The following MAPK14 variants were observed in gnomAD, a reference collection of about 807,000 sequenced individuals.
MAPK14 encodes CSAID-binding protein.
In MAPK14, 16 loss-of-function variants were observed where a neutral mutation model predicts 49.6. The observed-to-expected ratio is 0.32, with a 90% confidence interval of 0.22 to 0.49. The LOEUF (loss-of-function observed/expected upper bound fraction) is 0.49, where lower values mean the gene tolerates loss of function less well. Among genes scored for constraint, MAPK14 ranks in the 20% least tolerant of loss-of-function variants. The pLI, the probability that MAPK14 is intolerant of heterozygous loss-of-function variation, is 0.99. For synonymous variants in MAPK14, 142 were observed against 158.0 expected (o/e 0.90, Z 0.76); for missense variants, 200 against 441.2 (o/e 0.45, Z 4.90).
chr6:36,038,216 A>G lies in MAPK14; in HGVS notation c.116+9943A>G, dbSNP rs79855804. On this transcript the variant is annotated intron_variant, in intron 1 of 11. Coordinates refer to ENST00000229794, the MANE Select transcript of MAPK14 (RefSeq NM_139012.3). ...TAACAATTGAGCAAAAACCTGAAGA[A>G]GGTGATATAGGACACTGGTTGGACA... Among the ~76,000 whole-genome samples, 1,360 of 152,270 alleles carry G rather than the reference A, an allele frequency of 8.9e-3. 17 individuals carry two copies. The highest frequency in any genetic ancestry group is 0.031 in the African/African-American group (1,306 of 41,542).
the MAPK14 span, among the ~76,000 whole-genome samples, chr6:36,120,874 T>C: frequency 6.6e-6 from 1 of 152,160 alleles, no homozygotes; most frequent in South Asian, 2.1e-4. Flanking sequence ...ATTAAGGCTT[T>C]ACCTTAATCA....
the MAPK14 span, among the ~76,000 whole-genome samples, chr6:36,120,428 A>G: frequency 5.3e-5 from 8 of 150,274 alleles, no homozygotes; most frequent in African/African-American, 9.8e-5. Flanking sequence ...CACTTAGTCT[A>G]TATTTGTTAA....
intron 4 of MAPK14, 127 bp downstream of exon 4, chr6:36,073,111 G>A (rs906113372): frequency 4.4e-6 from 3 of 688,732 alleles, no homozygotes; most frequent in Non-Finnish European, 7.8e-6. Flanking sequence ...CACAGGTAAA[G>A]GTCATATAGT....
chr6:36,079,616 T>C (rs947190549), intron 8 of MAPK14, among the ~76,000 whole-genome samples: 1 of 152,242 alleles, frequency 6.6e-6, no homozygotes, highest in South Asian at 2.1e-4. Flanking sequence ...AAAAGCTTGC[T>C]CTAGAAGGTA....
intron 8 of MAPK14, among the ~76,000 whole-genome samples, chr6:36,090,233 C>T (rs546103248): frequency 6.6e-6 from 1 of 152,276 alleles, no homozygotes; most frequent in East Asian, 1.9e-4. Context: ...TACTGTCCTG[C>T]TTGTGAGTTA....
At position 36,107,748 on chromosome 6, in the gene MAPK14, T is replaced by A; in HGVS notation, c.1015+120T>A. 1 of 596,486 alleles carries A rather than the reference T, an allele frequency of 1.7e-6. No individual in the cohort carries two copies. The highest frequency in any genetic ancestry group is 3.5e-5 in the South Asian group (1 of 28,856). The allele number at this position is 596,486 out of a possible 1,614,324, so 36.9% of individuals were successfully genotyped here. A position where few individuals can be genotyped will look rare whatever the true frequency, so the allele number is the denominator to read the frequency against. ...TGTAGATGAGGTCTCTAATGCAGAA[T>A]GAATATGTTCTCTGGTGGAAACTGT... On this transcript the variant is annotated intron_variant, in intron 11 of 11. Coordinates refer to ENST00000229794, the MANE Select transcript of MAPK14 (RefSeq NM_139012.3). The surrounding 1 kb of genome is among the most constrained non-coding windows in gnomAD (Gnocchi z 4.3).
At chr6:36,092,233 C>T in intron 8 of MAPK14, 1 of 562,496 alleles carries the variant, frequency 1.8e-6, no homozygotes, top group Admixed American at 1.9e-5. Flanking sequence ...GTGTGTGGTA[C>T]AGTTTGACAA....
chr6:36,103,807 C>G (rs1298042061), intron 10 of MAPK14, among the ~76,000 whole-genome samples: 1 of 152,148 alleles, frequency 6.6e-6, no homozygotes, highest in Non-Finnish European at 1.5e-5. Context: ...GGGAGCTATG[C>G]TATGGTAACG....
At chr6:36,080,354 C>G (rs1041795222) in intron 8 of MAPK14, among the ~76,000 whole-genome samples, 1 of 152,104 alleles carries the variant, frequency 6.6e-6, no homozygotes, top group South Asian at 2.1e-4. Flanking sequence ...ACACTCAGCC[C>G]GTGAAACAGT....
intron 3 of MAPK14, among the ~76,000 whole-genome samples, chr6:36,064,428 A>G (rs1763963990): frequency 6.6e-6 from 1 of 151,912 alleles, no homozygotes; most frequent in Admixed American, 6.6e-5. Context: ...TTTTTCCTTT[A>G]TTTTACAAGT....
intron 3 of MAPK14, among the ~76,000 whole-genome samples, chr6:36,065,264 A>G (rs1399275930): frequency 1.3e-5 from 2 of 152,338 alleles, no homozygotes; most frequent in Non-Finnish European, 1.5e-5. Flanking sequence ...CTGAATCATT[A>G]TTGGAGTATA....
At chr6:36,082,174 A>T (rs1764792898) in intron 8 of MAPK14, among the ~76,000 whole-genome samples, 1 of 152,174 alleles carries the variant, frequency 6.6e-6, no homozygotes, top group Non-Finnish European at 1.5e-5. Flanking sequence ...GCAAACAGAG[A>T]TAGTTTTATT....
intron 8 of MAPK14, among the ~76,000 whole-genome samples, chr6:36,083,927 T>C (rs369083158): frequency 7.9e-5 from 12 of 152,254 alleles, no homozygotes; most frequent in African/African-American, 2.2e-4. Context: ...GCCAGACACC[T>C]TATGCAAGAG....
At chr6:36,063,807 C>T (rs1763927063) in intron 3 of MAPK14, among the ~76,000 whole-genome samples, 1 of 152,108 alleles carries the variant, frequency 6.6e-6, no homozygotes, top group South Asian at 2.1e-4. Context: ...TGCTCTTGAC[C>T]ACCATAGGAT....
rs201906162 is a variant in MAPK14, at chr6:36,110,664, T to C, written c.*2217T>C. ...AAAGAGAGAATGAGGGAAATTGCTATTTTATTTGTATTCATGAACTTGGCT... is the reference window on the plus strand; with the variant it reads ...AAAGAGAGAATGAGGGAAATTGCTACTTTATTTGTATTCATGAACTTGGCT... On this transcript the variant is annotated 3_prime_UTR_variant, in exon 12 of 12. Transcript: ENST00000229794. 1.3e-5 allele frequency: 2 copies of C among 152,590 alleles called. No homozygotes were observed. Among genetic ancestry groups the C allele is most frequent in the Admixed American group, 6.5e-5 (1 of 15,304 alleles). 9.5% of individuals were successfully genotyped at this position (152,590 alleles called of 1,614,324 possible).
At chr6:36,085,009 G>A (rs968262696) in intron 8 of MAPK14, among the ~76,000 whole-genome samples, 2 of 152,146 alleles carry the variant, frequency 1.3e-5, no homozygotes, top group African/African-American at 2.4e-5. Flanking sequence ...GAAGAGATTC[G>A]GGGCCAATAT....
intron 1 of MAPK14, among the ~76,000 whole-genome samples, chr6:36,040,366 A>G (rs1762919129): frequency 6.6e-6 from 1 of 152,164 alleles, no homozygotes; most frequent in Non-Finnish European, 1.5e-5. Context: ...ATATAACCCT[A>G]TATATTTGGA....
At chr6:36,080,754 T>C (rs1764724185) in intron 8 of MAPK14, among the ~76,000 whole-genome samples, 1 of 152,200 alleles carries the variant, frequency 6.6e-6, no homozygotes, top group Non-Finnish European at 1.5e-5. Context: ...ATGTTTAACT[T>C]TCTGAAGAGC....
chr6:36,122,512 T>A, the MAPK14 span, among the ~76,000 whole-genome samples: 1 of 152,222 alleles, frequency 6.6e-6, no homozygotes, highest in Admixed American at 6.5e-5. Flanking sequence ...TGCCAGGCAC[T>A]CTTCCAGGTA....
Sources: allele counts gnomAD v4.1 joint callset (sites outside exome capture counted in the v4.1 genomes callset), GRCh38; gene constraint gnomAD v4.1.1; non-coding constraint Gnocchi (gnomAD v3.1); transcripts MANE v1.5; gene names NCBI Gene and HGNC (gene_info 2026-07-23, HGNC 2026-07-21).